Variants in CFAP47 observed in about 807,000 individuals in gnomAD.
CFAP47 encodes the protein cilia- and flagella-associated protein 47.
CFAP47 carries 29 observed loss-of-function variants against 148.1 expected under a neutral mutation model. The observed-to-expected ratio is 0.20, with a 90% CI of 0.15 to 0.27. The LOEUF (loss-of-function observed/expected upper bound fraction) is 0.27, where lower values mean the gene tolerates loss of function less well. Ranked by LOEUF, CFAP47 falls within the 10% of genes least tolerant of loss-of-function variation. The pLI, the probability that CFAP47 is intolerant of heterozygous loss-of-function variation, is 1.00. For synonymous variants in CFAP47, 664 were observed against 577.3 expected (o/e 1.15, Z -2.15); for missense variants, 1,872 against 1,697.5 (o/e 1.10, Z -1.81).
chrX:36,094,362 T>A (rs1000591691), intron 30 of CFAP47, among the ~76,000 whole-genome samples: 1 of 111,538 alleles, frequency 9.0e-6, no homozygotes, highest in Non-Finnish European at 1.9e-5. Flanking sequence ...CTGGGTCTTT[T>A]GTGGTTCCAT....
intron 22 of CFAP47, among the ~76,000 whole-genome samples, chrX:36,027,673 C>A (rs992550317): frequency 1.8e-5 from 2 of 111,067 alleles, no homozygotes; most frequent in Admixed American, 1.9e-4. Flanking sequence ...GGTTTATGCC[C>A]AGTAGTGGGA....
intron 49 of CFAP47, among the ~76,000 whole-genome samples, chrX:36,256,361 G>C (rs782588325): frequency 1.8e-5 from 2 of 111,989 alleles, no homozygotes; most frequent in African/African-American, 6.5e-5. Flanking sequence ...ATGATTTAGA[G>C]ATGGCTGTAA....
Position 36,236,782 on chromosome X carries a change from G to T in CFAP47, c.7255G>T (p.Val2419Leu), listed in dbSNP as rs1555994755. The change falls in exon 48 of 64, where the codon GTG becomes TTG. Residue 2419 changes from valine (V) to leucine (L), a missense_variant. By Grantham distance (32) the Val-to-Leu change is conservative (BLOSUM62 1). Transcript: ENST00000378653. ...KKPSALEHIT[V>L]ECQVGNVTQK... ...ACCTTCGGCCTTGGAACACATCACTGTGGAATGTCAAGTGGGGAATGTGAC... is the reference window on the plus strand; with the variant it reads ...ACCTTCGGCCTTGGAACACATCACTTTGGAATGTCAAGTGGGGAATGTGAC... The T allele has an allele frequency of 1.9e-6, 1 of 522,540 alleles. No homozygotes were observed. The highest frequency in any genetic ancestry group is 3.5e-6 in the Non-Finnish European group (1 of 285,748). 43.1% of individuals were successfully genotyped at this position (522,540 alleles called of 1,213,427 possible). A position where few individuals can be genotyped will look rare whatever the true frequency, so the allele number is the denominator to read the frequency against.
intron 23 of CFAP47, among the ~76,000 whole-genome samples, chrX:36,033,207 T>C (rs1937300550): frequency 8.9e-6 from 1 of 112,319 alleles, no homozygotes; most frequent in African/African-American, 3.2e-5. Flanking sequence ...TAAGCCATAT[T>C]GGCGTCACAT....
chrX:36,255,706 T>C (rs983382928), intron 49 of CFAP47, among the ~76,000 whole-genome samples: 2 of 111,309 alleles, frequency 1.8e-5, no homozygotes, highest in East Asian at 2.8e-4. Context: ...TTGATGAAAA[T>C]TGAATATGAA....
Position 36,186,791 on chromosome X carries a change from G to C in CFAP47, c.6105-1829G>C, listed in dbSNP as rs1939811808. 2.7e-5 allele frequency among the ~76,000 whole-genome samples: 3 copies of C among 110,741 alleles called. No individual in the cohort carries two copies. In the Admixed American group the frequency reaches 2.9e-4, roughly 11 times the overall value. On this transcript the variant is annotated intron_variant, in intron 40 of 63. Coordinates refer to ENST00000378653, the MANE Select transcript of CFAP47 (RefSeq NM_001304548.2). ...ATTACCCCTTCACACCTCAAAAGTAGTTTCCACTCCCTGACTCTGGGCCAC... is the reference window on the plus strand; with the variant it reads ...ATTACCCCTTCACACCTCAAAAGTACTTTCCACTCCCTGACTCTGGGCCAC...
intron 2 of CFAP47, among the ~76,000 whole-genome samples, chrX:35,939,200 A>G (rs1935961440): frequency 1.8e-5 from 2 of 111,435 alleles, no homozygotes; most frequent in Non-Finnish European, 3.8e-5. Context: ...CCCTGAGTTT[A>G]ATGACCACTT....
At chrX:36,246,001 A>G (rs1555996965) in intron 48 of CFAP47, among the ~76,000 whole-genome samples, 2 of 111,654 alleles carry the variant, frequency 1.8e-5, no homozygotes, top group African/African-American at 6.5e-5. Flanking sequence ...TCTCAACATC[A>G]GCCTTGGCAA....
At chrX:36,134,773 G>T (rs1185292999) in intron 33 of CFAP47, among the ~76,000 whole-genome samples, 1 of 110,601 alleles carries the variant, frequency 9.0e-6, no homozygotes, top group Non-Finnish European at 1.9e-5. Flanking sequence ...ACTATTAAGA[G>T]AAAGAAAAGA....
intron 49 of CFAP47, among the ~76,000 whole-genome samples, chrX:36,266,575 C>A (rs947200303): frequency 9.2e-6 from 1 of 109,032 alleles, no homozygotes; most frequent in Non-Finnish European, 1.9e-5. Context: ...AGACAAATGC[C>A]TTCTGGTGGG....
At chrX:36,319,103 A>C (rs181786637) in intron 56 of CFAP47, 106 bp from the exon 57 acceptor site, 3 of 378,743 alleles carry the variant, frequency 7.9e-6, no homozygotes, top group Admixed American at 1.1e-4. Context: ...TATTCATCTT[A>C]TAAGTTTCCT....
chrX:35,924,351 A>G (rs1035080777), intron 1 of CFAP47, among the ~76,000 whole-genome samples: 3 of 105,995 alleles, frequency 2.8e-5, no homozygotes, highest in Admixed American at 9.7e-5. Context: ...ATGTGTGCAT[A>G]TGTGTATATA....
chrX:36,157,060 C>T (rs28599699), intron 37 of CFAP47, among the ~76,000 whole-genome samples: 14,490 of 109,533 alleles, frequency 0.13, 2,036 homozygotes, highest in African/African-American at 0.42. Flanking sequence ...TTTTACCAAT[C>T]GTGTCATAAA....
intron 3 of CFAP47, among the ~76,000 whole-genome samples, chrX:35,944,855 T>G: frequency 8.9e-6 from 1 of 112,255 alleles, no homozygotes; most frequent in Non-Finnish European, 1.9e-5. Flanking sequence ...GTGGGTACCC[T>G]TATGTTTTAT....
rs782050872 is a variant in CFAP47 at position 36,254,821 on chromosome X, C to A, written c.7444+3377C>A. 3.5e-4 allele frequency among the ~76,000 whole-genome samples: 39 copies of A among 111,566 alleles called. 1 individual carries two copies. The highest frequency in any genetic ancestry group is 9.4e-5 in the Non-Finnish European group (5 of 53,084). On this transcript the variant is annotated intron_variant, in intron 49 of 63. Transcript: ENST00000378653. ...GGGAGTTGGAGTACTTATCTGTTAA[C>A]CCCTAATTGATTAAAGCTTTCTCTT... is the stretch of plus-strand genomic sequence containing the variant.
intron 2 of CFAP47, among the ~76,000 whole-genome samples, chrX:35,928,590 C>A (rs1027795684): frequency 1.8e-5 from 2 of 110,721 alleles, no homozygotes; most frequent in African/African-American, 6.6e-5. Flanking sequence ...ATATGTTCTC[C>A]CAGTTTGAGG....
chrX:36,229,417 A>T (rs186532667), intron 46 of CFAP47, among the ~76,000 whole-genome samples: 85 of 111,239 alleles, frequency 7.6e-4, no homozygotes, highest in African/African-American at 2.7e-3. Context: ...TATTACCTTG[A>T]ATTAGAAGTA....
At chrX:36,308,128 A>G (rs782375129) in intron 55 of CFAP47, among the ~76,000 whole-genome samples, 2 of 111,629 alleles carry the variant, frequency 1.8e-5, no homozygotes, top group South Asian at 7.4e-4. Context: ...CAGCAGGGAG[A>G]TAATCAGTTC....
chrX:36,173,511 G>T lies in CFAP47; in HGVS notation c.6027-5834G>T, dbSNP rs771306176. On this transcript the variant is annotated intron_variant, in intron 39 of 63. Transcript: ENST00000378653. ...TCTGGTATGTTGTGTCTTTGTTCTC[G>T]TCGGTTTCAAAGAACATCTTTATTT... 8.1e-5 allele frequency among the ~76,000 whole-genome samples: 9 copies of T among 110,899 alleles called. No homozygotes were observed. In the East Asian group the frequency reaches 1.1e-3, roughly 14 times the overall value.
Sources: allele counts gnomAD v4.1 joint callset (sites outside exome capture counted in the v4.1 genomes callset), GRCh38; gene constraint gnomAD v4.1.1; transcripts MANE v1.5; gene names NCBI Gene and HGNC (gene_info 2026-07-23, HGNC 2026-07-21).